The following ARHGAP15 variants were observed in gnomAD, a reference collection of about 807,000 sequenced individuals.
ARHGAP15 encodes rho GTPase-activating protein 15.
In ARHGAP15, 51 loss-of-function variants were observed where a neutral mutation model predicts 63.7. The observed-to-expected ratio is 0.80, with a 90% confidence interval of 0.64 to 1.01. The LOEUF (loss-of-function observed/expected upper bound fraction) is 1.01, where lower values mean the gene tolerates loss of function less well. Ranked by LOEUF, ARHGAP15 falls within the 50% of genes least tolerant of loss-of-function variation. ARHGAP15 has a pLI of 0.00. For missense variants in ARHGAP15, 560 were observed against 564.6 expected (o/e 0.99, Z 0.08); for synonymous variants, 191 against 193.8 (o/e 0.99, Z 0.12).
chr2:143,263,460 A>C (rs1212626971), intron 6 of ARHGAP15, among the ~76,000 whole-genome samples: 1 of 152,110 alleles, frequency 6.6e-6, no homozygotes, highest in African/African-American at 2.4e-5. Context: ...AAGATCATGT[A>C]ATCAGTGGTA....
chr2:143,523,894 T>C (rs533612504), intron 10 of ARHGAP15, among the ~76,000 whole-genome samples: 5 of 152,292 alleles, frequency 3.3e-5, no homozygotes, highest in East Asian at 3.9e-4. Context: ...AGAAATTGTA[T>C]GTCATATGCT....
At chr2:143,264,062 C>T (rs1054753289) in intron 6 of ARHGAP15, among the ~76,000 whole-genome samples, 1 of 151,426 alleles carries the variant, frequency 6.6e-6, no homozygotes, top group African/African-American at 2.4e-5. Flanking sequence ...CAGGGAGAGG[C>T]ACCAGTGTTA....
intron 6 of ARHGAP15, among the ~76,000 whole-genome samples, chr2:143,332,363 C>G (rs1466189542): frequency 1.3e-5 from 2 of 152,052 alleles, no homozygotes; most frequent in African/African-American, 4.8e-5. Flanking sequence ...ACTAGAAGTA[C>G]AGACATCCTC....
chr2:143,145,992 G>A (rs1184109006), intron 1 of ARHGAP15, among the ~76,000 whole-genome samples: 1 of 151,312 alleles, frequency 6.6e-6, no homozygotes, highest in African/African-American at 2.4e-5. Context: ...AATAAATAAA[G>A]TTGAAACAAC....
intron 6 of ARHGAP15, among the ~76,000 whole-genome samples, chr2:143,393,251 A>G (rs138092640): frequency 2.6e-5 from 4 of 152,276 alleles, no homozygotes; most frequent in East Asian, 1.9e-4. Context: ...TCCAGGGACT[A>G]TCATTGTTAA....
At chr2:143,246,771 G>T (rs532247970) in intron 5 of ARHGAP15, among the ~76,000 whole-genome samples, 3 of 152,162 alleles carry the variant, frequency 2.0e-5, no homozygotes, top group African/African-American at 7.2e-5. Flanking sequence ...TTGCACAAAG[G>T]TCAATGATTT....
chr2:143,258,409 A>T lies in ARHGAP15; in HGVS notation c.474+7809A>T, dbSNP rs181388768. On this transcript the variant is annotated intron_variant, in intron 6 of 13. Coordinates refer to ENST00000295095, the MANE Select transcript of ARHGAP15 (RefSeq NM_018460.4). ...ATCCATAAACAAAGGCTTGAAATGC[A>T]CAGAAAAATAAGTTCAAGATGAAAG... Among the ~76,000 whole-genome samples, 448 of 152,262 alleles carry T rather than the reference A, an allele frequency of 2.9e-3. 2 individuals carry two copies. The highest frequency in any genetic ancestry group is 4.7e-3 in the Non-Finnish European group (322 of 68,012).
chr2:143,525,858 A>T (rs1013534444), intron 10 of ARHGAP15, among the ~76,000 whole-genome samples: 1 of 152,182 alleles, frequency 6.6e-6, no homozygotes, highest in Non-Finnish European at 1.5e-5. Flanking sequence ...AAGAAATCAG[A>T]GATGACAAGG....
chr2:143,253,124 T>G (rs1680239646), intron 6 of ARHGAP15, among the ~76,000 whole-genome samples: 1 of 151,990 alleles, frequency 6.6e-6, no homozygotes, highest in South Asian at 2.1e-4. Context: ...AGATTACAGA[T>G]AGCAAATGAC....
intron 10 of ARHGAP15, among the ~76,000 whole-genome samples, chr2:143,555,925 TAGAAC>T (rs1375625754): frequency 2.4e-5 from 3 of 124,474 alleles, no homozygotes; most frequent in Non-Finnish European, 5.2e-5. Flanking sequence ...TAGAATAGAA[TAGAAC>T]AGAGTAGAAA....
intron 11 of ARHGAP15, among the ~76,000 whole-genome samples, chr2:143,622,047 C>A (rs1187937278): frequency 4.0e-5 from 6 of 151,818 alleles, no homozygotes; most frequent in Non-Finnish European, 8.8e-5. Context: ...TAGGTTTCCA[C>A]TTAAAGTTCA....
intron 8 of ARHGAP15, among the ~76,000 whole-genome samples, chr2:143,457,484 G>A (rs1361063055): frequency 2.6e-5 from 4 of 151,744 alleles, no homozygotes; most frequent in South Asian, 2.1e-4. Context: ...CAGTGATTAT[G>A]CCACTGCACT....
intron 13 of ARHGAP15, among the ~76,000 whole-genome samples, chr2:143,752,543 A>G (rs1177727431): frequency 1.3e-5 from 2 of 152,184 alleles, no homozygotes; most frequent in African/African-American, 2.4e-5. Context: ...TCAGGCTGCG[A>G]GTGACCCAGC....
chr2:143,147,174 A>G (rs1376953071), intron 1 of ARHGAP15, among the ~76,000 whole-genome samples: 1 of 152,038 alleles, frequency 6.6e-6, no homozygotes, highest in Non-Finnish European at 1.5e-5. Context: ...ATACTCTCCC[A>G]ACAAAGATTA....
intron 13 of ARHGAP15, among the ~76,000 whole-genome samples, chr2:143,747,482 G>A (rs1686214329): frequency 6.6e-6 from 1 of 152,240 alleles, no homozygotes; most frequent in South Asian, 2.1e-4. Flanking sequence ...CCATTATAGT[G>A]TCAGAGAATA....
At chr2:143,426,533 A>G (rs1689144492) in intron 6 of ARHGAP15, among the ~76,000 whole-genome samples, 1 of 152,152 alleles carries the variant, frequency 6.6e-6, no homozygotes, top group South Asian at 2.1e-4. Flanking sequence ...ACTGACTCAG[A>G]GAGAGTCCTC....
chr2:143,490,896 G>A (rs1182322727), intron 9 of ARHGAP15, among the ~76,000 whole-genome samples: 1 of 152,036 alleles, frequency 6.6e-6, no homozygotes, highest in African/African-American at 2.4e-5. Context: ...CCAAAGCGCT[G>A]GAATTACAGG....
At chr2:143,400,383 TAAAGAAGCAAG>T (rs1208194118) in intron 6 of ARHGAP15, among the ~76,000 whole-genome samples, 2 of 151,988 alleles carry the variant, frequency 1.3e-5, no homozygotes, top group African/African-American at 4.8e-5. Context: ...TCATTTACTT[TAAAGAAGCAAG>T]AAAGAAGAGT....
At chr2:143,130,029 T>G (rs1258231484) in intron 1 of ARHGAP15, among the ~76,000 whole-genome samples, 1 of 152,142 alleles carries the variant, frequency 6.6e-6, no homozygotes. Context: ...TGAAATTTTT[T>G]TTCTAAATTT....
Sources: gnomAD v4.1 joint callset for allele counts (sites outside exome capture counted in the v4.1 genomes callset) on GRCh38, gnomAD v4.1.1 for gene constraint, MANE v1.5 for transcripts, NCBI Gene and HGNC (gene_info 2026-07-23, HGNC 2026-07-21) for gene names.